NUP188: variants seen among roughly 807,000 people sequenced by gnomAD.
NUP188 encodes the protein nucleoporin NUP188.
NUP188 carries 97 observed loss-of-function variants against 223.0 expected under a neutral mutation model. The observed-to-expected ratio is 0.43, with a 90% CI of 0.37 to 0.51. The LOEUF (loss-of-function observed/expected upper bound fraction) is 0.51, where lower values mean the gene tolerates loss of function less well. Ranked by LOEUF, NUP188 falls within the 20% of genes least tolerant of loss-of-function variation. NUP188 has a pLI of 0.00. For missense variants in NUP188, 1,947 were observed against 2,175.6 expected, an observed-to-expected ratio of 0.89 and a Z score of 2.09; for synonymous variants, 869 against 828.0, an observed-to-expected ratio of 1.05 and a Z score of -0.85.
intron 12 of NUP188, 82 bp downstream of exon 12, chr9:128,973,331 A>C: frequency 3.4e-6 from 3 of 878,418 alleles, no homozygotes; most frequent in Non-Finnish European, 5.5e-6. Flanking sequence ...ATTGGATCTG[A>C]TATTATTTAC....
chr9:129,002,011 G>T, intron 36 of NUP188, 35 bp downstream of exon 36: 1 of 1,545,990 alleles, frequency 6.5e-7, no homozygotes, highest in South Asian at 1.1e-5. Context: ...GGCCCAGCCT[G>T]ACCACCCTAC....
chr9:128,980,571 T>C, intron 13 of NUP188, 35 bp from the exon 14 acceptor site: 1 of 1,582,786 alleles, frequency 6.3e-7, no homozygotes, highest in South Asian at 1.2e-5. Context: ...TTGTGGATAA[T>C]GTGAAGATCA....
Position 128,970,879 on chromosome 9 carries a change from T to C in NUP188, c.1034T>C (p.Ile345Thr). Residue 345 changes from isoleucine to threonine, a missense_variant, in exon 11 of 44, where the codon ATA (isoleucine) becomes ACA (threonine). Physicochemically the swap from Ile to Thr is moderately conservative, Grantham distance 89. This residue lies in a region of NUP188 where 817 missense variants were observed against 865.8 expected (regional missense o/e 0.94). Transcript: ENST00000372577. ...GAGACAAGCAGTGTGGTCCGGAAGA[T>C]AGGTGGCACAGCCATCCAGCTGAAT... ...PEETSSVVRK[I>T]GGTAIQLNVF... is the part of the protein sequence containing the mutation. 1 of 1,614,096 alleles carries C rather than the reference T, an allele frequency of 6.2e-7. No homozygotes were observed. Among genetic ancestry groups the C allele is most frequent in the Admixed American group, 1.7e-5 (1 of 60,002 alleles).
intron 12 of NUP188, among the ~76,000 whole-genome samples, chr9:128,974,506 G>A (rs1221404351): frequency 1.3e-5 from 2 of 151,100 alleles, no homozygotes; most frequent in Non-Finnish European, 2.9e-5. Context: ...GATTACAGGT[G>A]TGAGCTATGG....
chr9:128,957,681 G>A (rs1841890494), intron 5 of NUP188, among the ~76,000 whole-genome samples: 1 of 151,962 alleles, frequency 6.6e-6, no homozygotes, highest in Non-Finnish European at 1.5e-5. Flanking sequence ...AGCCAGGATG[G>A]TCTCAATCTC....
At chr9:128,972,855 A>G (rs905185164) in intron 11 of NUP188, among the ~76,000 whole-genome samples, 6 of 152,020 alleles carry the variant, frequency 3.9e-5, no homozygotes, top group Non-Finnish European at 7.4e-5. Context: ...ATCAATTCCC[A>G]TTACCACATG....
intron 38 of NUP188, 58 bp from the exon 39 acceptor site, chr9:129,005,089 G>C (rs981516057): frequency 7.3e-7 from 1 of 1,367,652 alleles, no homozygotes; most frequent in Non-Finnish European, 1.0e-6. Context: ...GGTTGGTCTG[G>C]TTGGGTGACT....
chr9:129,004,092 A>G (rs1182885948), intron 38 of NUP188: 2 of 159,978 alleles, frequency 1.3e-5, no homozygotes, highest in Non-Finnish European at 2.7e-5. Context: ...GCTGGCCAAC[A>G]TGGTGAAACC....
chr9:128,974,821 C>G (rs971568892), intron 12 of NUP188, among the ~76,000 whole-genome samples: 52 of 150,762 alleles, frequency 3.4e-4, no homozygotes, highest in Non-Finnish European at 5.3e-4. Context: ...TACAGTGGCG[C>G]GATCTCGTCC....
At chr9:128,952,660 T>G (rs1588267406) in intron 2 of NUP188, 113 bp from the exon 3 acceptor site, 2 of 752,532 alleles carry the variant, frequency 2.7e-6, no homozygotes, top group South Asian at 3.2e-5. Context: ...GAGGCGGAGG[T>G]TGCAGTCAGC....
At position 128,994,911 on chromosome 9, in the gene NUP188, A is replaced by T; in HGVS notation, c.3143A>T (p.Tyr1048Phe). 1.2e-6 allele frequency: 2 copies of T among 1,611,820 alleles called. No homozygotes were observed. The highest frequency in any genetic ancestry group is 1.7e-6 in the Non-Finnish European group (2 of 1,177,866). ...ATGAAGATAATTTGCTTGGAGATAT[A>T]CTATGTAGTAAAGTGAGTACTTTCC... ...LIMKIICLEI[Y>F]YVVKGSLDQS... Residue 1048 changes from tyrosine to phenylalanine, a missense_variant, in exon 29 of 44, where the codon TAC (tyrosine) becomes TTC (phenylalanine). Coordinates refer to ENST00000372577, the MANE Select transcript of NUP188 (RefSeq NM_015354.3).
At chr9:128,977,310 C>CA (rs1438887580) in intron 12 of NUP188, among the ~76,000 whole-genome samples, 2 of 151,704 alleles carry the variant, frequency 1.3e-5, no homozygotes, top group East Asian at 4.0e-4. Flanking sequence ...TTAGTAGAGA[C>CA]GGGTTTCACC....
intron 8 of NUP188, among the ~76,000 whole-genome samples, chr9:128,962,762 G>A (rs929678489): frequency 6.6e-6 from 1 of 152,072 alleles, no homozygotes. Flanking sequence ...GCCATTATTC[G>A]CAACTAAATT....
chr9:129,003,547 G>A (rs992951156), intron 38 of NUP188, 93 bp downstream of exon 38: 1 of 1,425,348 alleles, frequency 7.0e-7, no homozygotes, highest in African/African-American at 1.4e-5. Context: ...GTGAATTGCA[G>A]GATGTTCCTG....
intron 3 of NUP188, among the ~76,000 whole-genome samples, chr9:128,953,150 A>T (rs1327047105): frequency 6.6e-6 from 1 of 152,218 alleles, no homozygotes; most frequent in African/African-American, 2.4e-5. Flanking sequence ...CTGTGTGAGT[A>T]CTAATTGGTG....
At chr9:128,979,748 T>G (rs1842229879) in intron 13 of NUP188, among the ~76,000 whole-genome samples, 1 of 152,182 alleles carries the variant, frequency 6.6e-6, no homozygotes, top group Non-Finnish European at 1.5e-5. Context: ...TTCTCCTGCC[T>G]CAGCCTCCCA....
At chr9:128,971,697 C>A (rs540787134) in intron 11 of NUP188, among the ~76,000 whole-genome samples, 28 of 152,096 alleles carry the variant, frequency 1.8e-4, no homozygotes, top group Non-Finnish European at 3.5e-4. Flanking sequence ...GGATTACAGG[C>A]GTGAGCCACC....
chr9:129,000,776 C>T (rs193089411), intron 34 of NUP188, among the ~76,000 whole-genome samples: 96 of 151,872 alleles, frequency 6.3e-4, no homozygotes, highest in African/African-American at 2.2e-3. Flanking sequence ...CGGTGGCTAA[C>T]GCCTGTAATC....
intron 8 of NUP188, among the ~76,000 whole-genome samples, chr9:128,961,676 C>T (rs1255411159): frequency 2.7e-4 from 38 of 142,248 alleles, no homozygotes; most frequent in African/African-American, 8.6e-4. Context: ...GGCTGGAGTT[C>T]GATGGCGTGA....
Sources: gnomAD v4.1 joint callset for allele counts (sites outside exome capture counted in the v4.1 genomes callset) on GRCh38, gnomAD v4.1.1 for gene constraint, gnomAD v4.1.1 regional missense constraint, MANE v1.5 for transcripts, NCBI Gene and HGNC (gene_info 2026-07-23, HGNC 2026-07-21) for gene names.